ATP11B: variants seen among roughly 807,000 people sequenced by gnomAD.
ATP11B encodes the protein phospholipid-transporting ATPase IF.
A neutral mutation model predicts 157.8 loss-of-function variants in ATP11B; 81 were observed. The ratio of observed to expected loss-of-function variants is 0.51; its 90% confidence interval spans 0.43 to 0.62. The LOEUF (loss-of-function observed/expected upper bound fraction) is 0.62. ATP11B is among the 20% of genes least tolerant of loss of function. ATP11B has a pLI of 0.00. For synonymous variants in ATP11B, 451 were observed against 469.4 expected (o/e 0.96, Z 0.51); for missense variants, 1,165 against 1,402.2 (o/e 0.83, Z 2.70).
intron 1 of ATP11B, among the ~76,000 whole-genome samples, chr3:182,800,209 A>G (rs1379860719): frequency 6.6e-6 from 1 of 152,028 alleles, no homozygotes; most frequent in Non-Finnish European, 1.5e-5. Context: ...CAATACTTCA[A>G]GTTAGAAATT....
chr3:182,858,014 A>G lies in ATP11B; in HGVS notation c.988A>G (p.Arg330Gly). Reference sequence around the variant, plus strand: ...GTATAACCAAAAAACAGAACATCAAAGAAATAGCAGTAAGGTATTTTATGG... The same window carrying G: ...GTATAACCAAAAAACAGAACATCAAGGAAATAGCAGTAAGGTATTTTATGG... ...PWYNQKTEHQ[R>G]NSSKILRFIS... Residue 330 changes from arginine to glycine, a missense_variant, in exon 11 of 30, where the codon AGA becomes GGA. Arg to Gly is a moderately radical substitution (Grantham distance 125). Coordinates refer to ENST00000323116, the MANE Select transcript of ATP11B (RefSeq NM_014616.3). 6.2e-7 allele frequency: 1 copy of G among 1,611,492 alleles called. No individual in the cohort carries two copies. Among genetic ancestry groups the G allele is most frequent in the Non-Finnish European group, 8.5e-7 (1 of 1,178,170 alleles).
At chr3:182,849,977 C>A (rs1445994942) in intron 10 of ATP11B, among the ~76,000 whole-genome samples, 1 of 152,024 alleles carries the variant, frequency 6.6e-6, no homozygotes, top group Non-Finnish European at 1.5e-5. Flanking sequence ...ATACTAGAAT[C>A]CAAAGAAAAA....
chr3:182,885,868 T>G, intron 22 of ATP11B, 83 bp from the exon 23 acceptor site: 1 of 964,874 alleles, frequency 1.0e-6, no homozygotes, highest in South Asian at 1.8e-5. Flanking sequence ...TTTTGGACAC[T>G]TTAACAGCCA....
At position 182,876,044 on chromosome 3, in the gene ATP11B, A is replaced by C. The variant is rs1481475387; in HGVS notation, c.2252+2029A>C. Among the ~76,000 whole-genome samples, 3 of 151,982 alleles carry C rather than the reference A, an allele frequency of 2.0e-5. No homozygotes were observed. In the East Asian group the frequency reaches 5.8e-4, roughly 29 times the overall value. On this transcript the variant is annotated intron_variant, in intron 19 of 29. Transcript: ENST00000323116. ...GATCGCTTGAGCCCAGGAGTTTGAG[A>C]TCAGCCTGGTCAATGTAATGAGACC...
chr3:182,798,562 G>C (rs1715778643), intron 1 of ATP11B, among the ~76,000 whole-genome samples: 1 of 152,200 alleles, frequency 6.6e-6, no homozygotes, highest in Admixed American at 6.5e-5. Flanking sequence ...TTAGGAAGAG[G>C]ATAAAGCATT....
chr3:182,840,654 T>A (rs1265799691), intron 7 of ATP11B, among the ~76,000 whole-genome samples: 1 of 152,172 alleles, frequency 6.6e-6, no homozygotes, highest in East Asian at 1.9e-4. Context: ...GCCAGAAACC[T>A]TGGAATCAGC....
In ATP11B at chr3:182,820,277, T is replaced by G. The variant is rs141226430; in HGVS notation, c.45T>G (p.His15Gln). The change falls in exon 2 of 30, where the codon CAT (histidine) becomes CAG (glutamine). Residue 15 changes from histidine (H) to glutamine (Q), a missense_variant. Transcript: ENST00000323116. ...GGTCTTAGGGTTTTGACCCACCACATCAGAGTGACACAAGAACCATCTACG... is the reference window on the plus strand; with the variant it reads ...GGTCTTAGGGTTTTGACCCACCACAGCAGAGTGACACAAGAACCATCTACG... ...IRQQLGFDPP[H>Q]QSDTRTIYVA... 598 of 1,613,894 alleles carry G rather than the reference T, an allele frequency of 3.7e-4. 1 individual carries two copies. The highest frequency in any genetic ancestry group is 2.1e-3 in the Middle Eastern group (13 of 6,062).
In ATP11B at chr3:182,918,986, G is replaced by C. The variant is rs967546448; in HGVS notation, c.*882G>C. 9.2e-5 allele frequency: 14 copies of C among 151,918 alleles called. No individual in the cohort carries two copies. Among genetic ancestry groups the C allele is most frequent in the African/African-American group, 3.4e-4 (14 of 41,356 alleles). The allele number at this position is 151,918 out of a possible 1,614,324, so 9.4% of individuals were successfully genotyped here. A position where few individuals can be genotyped will look rare whatever the true frequency, so the allele number is the denominator to read the frequency against. ...AAATTTGCTTTTTTTCTCTTTACCT[G>C]AAGGCTCTGTGTATAGTATTTCATG... On this transcript the variant is annotated 3_prime_UTR_variant, in exon 30 of 30. Transcript: ENST00000323116.
chr3:182,865,728 G>T, intron 13 of ATP11B, 30 bp downstream of exon 13: 1 of 1,551,784 alleles, frequency 6.4e-7, no homozygotes, highest in Non-Finnish European at 8.7e-7. Context: ...ATAAATAAGG[G>T]TTTCATATGA....
At chr3:182,881,089 GAATGAA>G in intron 21 of ATP11B, 108 bp downstream of exon 21, 1 of 739,338 alleles carries the variant, frequency 1.4e-6, no homozygotes, top group Non-Finnish European at 2.1e-6. Flanking sequence ...TCAAATTTGT[GAATGAA>G]AATTGCAACA....
intron 1 of ATP11B, among the ~76,000 whole-genome samples, chr3:182,814,333 G>A (rs1716845595): frequency 6.6e-6 from 1 of 152,098 alleles, no homozygotes; most frequent in Non-Finnish European, 1.5e-5. Flanking sequence ...CCAAAGTGCT[G>A]AGATTACAGG....
intron 21 of ATP11B, among the ~76,000 whole-genome samples, chr3:182,883,937 A>G (rs2108563385): frequency 7.2e-6 from 1 of 139,400 alleles, no homozygotes; most frequent in Non-Finnish European, 1.5e-5. Context: ...CCTGGGCGAC[A>G]GAGCGAGACT....
At chr3:182,866,148 G>A (rs1577046512) in intron 13 of ATP11B, 120 bp from the exon 14 acceptor site, 1 of 716,398 alleles carries the variant, frequency 1.4e-6, no homozygotes, top group East Asian at 3.1e-5. Flanking sequence ...ACAACCAACT[G>A]TTATTCAGGC....
intron 9 of ATP11B, 60 bp from the exon 10 acceptor site, chr3:182,848,416 T>C: frequency 2.0e-6 from 2 of 985,230 alleles, no homozygotes; most frequent in Non-Finnish European, 2.9e-6. Context: ...TAAATATATT[T>C]ATTTCTTGTG....
intron 24 of ATP11B, among the ~76,000 whole-genome samples, chr3:182,887,991 T>C (rs889891008): frequency 1.3e-5 from 2 of 152,198 alleles, no homozygotes; most frequent in African/African-American, 2.4e-5. Flanking sequence ...ATATTCTATT[T>C]CGTGTGCACA....
At chr3:182,850,953 A>G (rs1405905472) in intron 10 of ATP11B, among the ~76,000 whole-genome samples, 1 of 152,220 alleles carries the variant, frequency 6.6e-6, no homozygotes. Flanking sequence ...TGTCATTAGC[A>G]GCAACATGGA....
chr3:182,886,594 A>G (rs1015872013), intron 23 of ATP11B, among the ~76,000 whole-genome samples: 2 of 152,128 alleles, frequency 1.3e-5, no homozygotes, highest in African/African-American at 2.4e-5. Flanking sequence ...ACCAGTCCTG[A>G]TCTACTTTGT....
chr3:182,819,201 T>C (rs930885633), intron 1 of ATP11B, among the ~76,000 whole-genome samples: 9 of 151,536 alleles, frequency 5.9e-5, no homozygotes, highest in African/African-American at 2.2e-4. Context: ...TCAGAGTAGC[T>C]GGGACTACAG....
At chr3:182,861,653 G>T (rs1720849296) in intron 12 of ATP11B, among the ~76,000 whole-genome samples, 1 of 152,178 alleles carries the variant, frequency 6.6e-6, no homozygotes, top group Admixed American at 6.5e-5. Context: ...TTTGCACAAA[G>T]TTTTGATTAT....
Sources: gnomAD v4.1 joint callset for allele counts (sites outside exome capture counted in the v4.1 genomes callset) on GRCh38, gnomAD v4.1.1 for gene constraint, MANE v1.5 for transcripts, NCBI Gene and HGNC (gene_info 2026-07-23, HGNC 2026-07-21) for gene names.